Variants in CEP85L observed in about 807,000 individuals in gnomAD.
The protein encoded by CEP85L is centrosomal protein of 85 kDa-like.
Under a neutral mutation model 100.3 loss-of-function variants are expected in CEP85L, and 60 were observed. The ratio of observed to expected loss-of-function variants is 0.60; its 90% CI spans 0.49 to 0.74. CEP85L has a LOEUF of 0.74. Ranked by LOEUF, CEP85L falls within the 30% of genes least tolerant of loss-of-function variation. CEP85L has a pLI of 0.00. For synonymous variants in CEP85L, 319 were observed against 322.7 expected, an observed-to-expected ratio of 0.99 and a Z score of 0.12; for missense variants, 973 against 936.2, an observed-to-expected ratio of 1.04 and a Z score of -0.51.
chr6:118,610,006 A>AC lies in CEP85L; in HGVS notation c.232+22446_232+22447insG, dbSNP rs201628507. ...AATTGAGAAGAGAGACGCAAAAAAA[A>AC]ATAAGGGAGCAAGGAAGGAGAACAA... On this transcript the variant is annotated intron_variant, in intron 2 of 12. Coordinates refer to ENST00000368491, the MANE Select transcript of CEP85L (RefSeq NM_001042475.3). Among the ~76,000 whole-genome samples the AC allele has an allele frequency of 3.8e-3, 581 of 152,280 alleles. 3 individuals carry two copies. Among genetic ancestry groups the AC allele is most frequent in the African/African-American group, 0.013 (556 of 41,552 alleles).
intron 1 of CEP85L, among the ~76,000 whole-genome samples, chr6:118,675,628 C>T (rs920824457): frequency 6.7e-6 from 1 of 149,624 alleles, no homozygotes; most frequent in Non-Finnish European, 1.5e-5. Context: ...GGAAGCTGGG[C>T]ACAGTGGCTA....
At position 118,492,120 on chromosome 6, in the gene CEP85L, A is replaced by T. The variant is rs188112956; in HGVS notation, c.1258-255T>A. ...CTACTTTGCAGTGTTTTTTGAAGAAAGATAAAGTATGTAAGGTTTCCAGCA... is the reference window on the plus strand; with the variant it reads ...CTACTTTGCAGTGTTTTTTGAAGAATGATAAAGTATGTAAGGTTTCCAGCA... On this transcript the variant is annotated intron_variant, in intron 5 of 12. Coordinates refer to ENST00000368491, the MANE Select transcript of CEP85L (RefSeq NM_001042475.3). Among the ~76,000 whole-genome samples the T allele has an allele frequency of 4.6e-5, 7 of 152,228 alleles. No homozygotes were observed. The East Asian group carries it at 1.3e-3, about 29-fold the overall frequency.
chr6:118,491,044 T>C (rs1562193622), intron 6 of CEP85L, among the ~76,000 whole-genome samples: 3 of 152,184 alleles, frequency 2.0e-5, no homozygotes, highest in South Asian at 2.1e-4. Flanking sequence ...AGACACCTAG[T>C]AGTGGGACTG....
intron 1 of CEP85L, among the ~76,000 whole-genome samples, chr6:118,648,943 G>A (rs1775377048): frequency 6.6e-6 from 1 of 151,886 alleles, no homozygotes; most frequent in African/African-American, 2.4e-5. Flanking sequence ...CAATTTTAGG[G>A]CTGGAATAAT....
In CEP85L at chr6:118,542,923, A is replaced by AAAAAAAAAAAAAC. The variant is rs1554216838; in HGVS notation, c.1021-19004_1021-19003insGTTTTTTTTTTTT. Among the ~76,000 whole-genome samples, 600 of 143,926 alleles carry AAAAAAAAAAAAAC rather than the reference A, an allele frequency of 4.2e-3. 9 individuals carry two copies. Among genetic ancestry groups the AAAAAAAAAAAAAC allele is most frequent in the Middle Eastern group, 7.2e-3 (2 of 276 alleles). 94.4% of individuals were successfully genotyped at this position (143,926 alleles called of 152,430 possible). A position where few individuals can be genotyped will look rare whatever the true frequency, so the allele number is the denominator to read the frequency against. On this transcript the variant is annotated intron_variant, in intron 3 of 12. Transcript: ENST00000368491. The stretch of plus-strand genomic sequence containing the variant: ...CCCAAAAAAAAAAAAAAAAAAAAAA[A>AAAAAAAAAAAAAC]CAGGATATTCACAGCAACCAATCAG...
rs377542599 is a variant in CEP85L, at chr6:118,605,375, G to C, written c.232+27078C>G. On this transcript the variant is annotated intron_variant, in intron 2 of 12. Coordinates refer to ENST00000368491, the MANE Select transcript of CEP85L (RefSeq NM_001042475.3). The stretch of plus-strand genomic sequence containing the variant: ...GTTTCCTTATCTTCCAGGTGGCCAA[G>C]AGCATACTTCTCCGATCCAAGTGTG... 2.2e-3 allele frequency among the ~76,000 whole-genome samples: 335 copies of C among 152,268 alleles called. 10 individuals carry two copies. The South Asian group carries it at 0.067, about 30-fold the overall frequency.
At chr6:118,607,719 C>A (rs1337608385) in intron 2 of CEP85L, among the ~76,000 whole-genome samples, 1 of 152,142 alleles carries the variant, frequency 6.6e-6, no homozygotes, top group East Asian at 1.9e-4. Flanking sequence ...CCAATCCCAT[C>A]CTTTACCCAG....
chr6:118,612,797 CTGAAATTGA>C, intron 2 of CEP85L, among the ~76,000 whole-genome samples: 1 of 151,122 alleles, frequency 6.6e-6, no homozygotes, highest in South Asian at 2.1e-4. Flanking sequence ...GCAGAAATTG[CTGAAATTGA>C]AAACAGAAAA....
intron 1 of CEP85L, among the ~76,000 whole-genome samples, chr6:118,675,703 A>G (rs2798324): frequency 0.042 from 6,379 of 152,100 alleles, 232 homozygotes; most frequent in African/African-American, 0.095. Flanking sequence ...AGAATTCAAA[A>G]TCGGCCTGGA....
At chr6:118,600,822 G>A (rs1399780681) in intron 2 of CEP85L, among the ~76,000 whole-genome samples, 1 of 151,142 alleles carries the variant, frequency 6.6e-6, no homozygotes, top group Non-Finnish European at 1.5e-5. Flanking sequence ...AAAATCTTGA[G>A]TTTTAGTGGG....
At chr6:118,609,920 T>C (rs892376351) in intron 2 of CEP85L, among the ~76,000 whole-genome samples, 2 of 151,738 alleles carry the variant, frequency 1.3e-5, no homozygotes, top group Non-Finnish European at 2.9e-5. Flanking sequence ...GGGCACAAAA[T>C]TGTGAGGGTG....
At chr6:118,591,830 C>T (rs1367532031) in intron 2 of CEP85L, among the ~76,000 whole-genome samples, 14 of 152,186 alleles carry the variant, frequency 9.2e-5, no homozygotes, top group South Asian at 2.1e-4. Context: ...CACCCTCCAC[C>T]GGTAACAGAG....
At chr6:118,606,201 T>TA (rs376727067) in intron 2 of CEP85L, among the ~76,000 whole-genome samples, 3 of 152,146 alleles carry the variant, frequency 2.0e-5, no homozygotes, top group Non-Finnish European at 2.9e-5. Flanking sequence ...TAGTGCTCTT[T>TA]AAAAAAACAA....
chr6:118,567,771 G>C (rs1033663678), intron 2 of CEP85L, among the ~76,000 whole-genome samples: 3 of 152,130 alleles, frequency 2.0e-5, no homozygotes, highest in Non-Finnish European at 4.4e-5. Context: ...AGATTAAAAC[G>C]AGCCAGGTAG....
upstream of CEP85L, among the ~76,000 whole-genome samples, chr6:118,655,616 G>A (rs766634867): frequency 6.6e-6 from 1 of 152,180 alleles, no homozygotes; most frequent in Non-Finnish European, 1.5e-5. Flanking sequence ...AGCAGATCAT[G>A]CCTTCACACA....
At chr6:118,550,061 A>G (rs1409681119) in intron 3 of CEP85L, among the ~76,000 whole-genome samples, 1 of 151,946 alleles carries the variant, frequency 6.6e-6, no homozygotes, top group East Asian at 1.9e-4. Flanking sequence ...GTGTTAGATG[A>G]AATCAAATGG....
chr6:118,679,356 C>G (rs1385814946), intron 1 of CEP85L, among the ~76,000 whole-genome samples: 2 of 152,088 alleles, frequency 1.3e-5, no homozygotes, highest in African/African-American at 2.4e-5. Context: ...AGGTTAGGCT[C>G]TAGGATTACT....
At chr6:118,556,701 T>A (rs1359135109) in intron 3 of CEP85L, among the ~76,000 whole-genome samples, 1 of 152,170 alleles carries the variant, frequency 6.6e-6, no homozygotes, top group Non-Finnish European at 1.5e-5. Context: ...AATATGTTGA[T>A]TAACAATAAT....
At position 118,697,246 on chromosome 6, in the gene CEP85L, G is replaced by T. The variant is rs540639260; in HGVS notation, c.-28+12790C>A. ...ATCTGAAGTTTTGTTCACAAAGAAG[G>T]GGTATAGCTATTGGATTGACAACCA... On this transcript the variant is annotated intron_variant, in intron 1 of 13. Transcript: ENST00000368488. 5.3e-5 allele frequency among the ~76,000 whole-genome samples: 8 copies of T among 152,220 alleles called. No homozygotes were observed. In the East Asian group the frequency reaches 7.8e-4, roughly 15 times the overall value.
Sources: gnomAD v4.1 joint callset for allele counts (sites outside exome capture counted in the v4.1 genomes callset) on GRCh38, gnomAD v4.1.1 for gene constraint, MANE v1.5 for transcripts, NCBI Gene and HGNC (gene_info 2026-07-23, HGNC 2026-07-21) for gene names.